Variants in MRGPRX3 observed in about 807,000 individuals in gnomAD.
MRGPRX3 encodes mas-related G protein-coupled receptor member X3.
In MRGPRX3, 14 loss-of-function variants were observed where a neutral mutation model predicts 16.5. The ratio of observed to expected loss-of-function variants is 0.85; its 90% CI spans 0.56 to 1.33. The LOEUF is 1.33. Ranked by LOEUF, MRGPRX3 falls within the 40% of genes most tolerant of loss-of-function variation. The pLI, the probability that MRGPRX3 is intolerant of heterozygous loss-of-function variation, is 0.00. For synonymous variants in MRGPRX3, 199 were observed against 180.1 expected (o/e 1.10, Z -0.84); for missense variants, 449 against 413.0 (o/e 1.09, Z -0.76).
upstream of MRGPRX3, among the ~76,000 whole-genome samples, chr11:18,129,350 G>C (rs1848936738): frequency 2.6e-5 from 4 of 152,122 alleles, no homozygotes; most frequent in Admixed American, 2.6e-4. Context: ...AATGAAACAA[G>C]AGATATTACA....
At chr11:18,133,488 T>C (rs1377909309) in intron 1 of MRGPRX3, among the ~76,000 whole-genome samples, 1 of 152,220 alleles carries the variant, frequency 6.6e-6, no homozygotes, top group East Asian at 1.9e-4. Context: ...ATCACGGGGA[T>C]GGTTTTGCAT....
intron 1 of MRGPRX3, 78 bp from the exon 2 acceptor site, chr11:18,137,100 A>G: frequency 7.2e-7 from 1 of 1,396,212 alleles, no homozygotes; most frequent in Non-Finnish European, 9.8e-7. Flanking sequence ...AAATGAGGAC[A>G]GTAAATCCCA....
Position 18,137,267 on chromosome 11 carries a change from C to A in MRGPRX3, c.65C>A (p.Pro22His). ...LTPINGREET[P>H]CYKQTLSFTG... ...CCAATCAACGGACGTGAGGAGACTCCTTGCTACAAGCAGACCCTGAGCTTC... is the reference window on the plus strand; with the variant it reads ...CCAATCAACGGACGTGAGGAGACTCATTGCTACAAGCAGACCCTGAGCTTC... The change falls in exon 2 of 2, where the codon CCT (proline) becomes CAT (histidine). Residue 22 changes from proline (P) to histidine (H), a missense_variant. Transcript: ENST00000621697. 6.2e-7 allele frequency: 1 copy of A among 1,614,046 alleles called. No individual in the cohort carries two copies. The highest frequency in any genetic ancestry group is 8.5e-7 in the Non-Finnish European group (1 of 1,179,972).
chr11:18,123,093 T>G (rs1442275653), intron 1 of MRGPRX3, among the ~76,000 whole-genome samples: 2 of 152,226 alleles, frequency 1.3e-5, no homozygotes, highest in South Asian at 2.1e-4. Context: ...ATTAGCCCTT[T>G]GTCAGATGAG....
chr11:18,126,926 A>G (rs1364701690), intron 1 of MRGPRX3, among the ~76,000 whole-genome samples: 7 of 152,156 alleles, frequency 4.6e-5, no homozygotes, highest in Non-Finnish European at 7.4e-5. Context: ...AGTCTTTGCT[A>G]TTGTGAATAG....
chr11:18,130,347 A>C (rs991483628), upstream of MRGPRX3, among the ~76,000 whole-genome samples: 6 of 152,134 alleles, frequency 3.9e-5, no homozygotes, highest in African/African-American at 9.6e-5. Flanking sequence ...GATACAAACT[A>C]AATGTACACA....
At chr11:18,125,795 G>A (rs1848888934) in intron 1 of MRGPRX3, among the ~76,000 whole-genome samples, 1 of 152,156 alleles carries the variant, frequency 6.6e-6, no homozygotes, top group African/African-American at 2.4e-5. Flanking sequence ...GGGTATTAAA[G>A]TCTCCCATTA....
chr11:18,122,421 A>T (rs1221764713), intron 1 of MRGPRX3, among the ~76,000 whole-genome samples: 1 of 152,094 alleles, frequency 6.6e-6, no homozygotes, highest in Admixed American at 6.5e-5. Context: ...CCCACCTGTG[A>T]GTGAGAATAT....
intron 1 of MRGPRX3, among the ~76,000 whole-genome samples, chr11:18,127,178 A>C (rs1848907521): frequency 1.3e-5 from 2 of 152,140 alleles, no homozygotes; most frequent in South Asian, 4.1e-4. Flanking sequence ...GGGTAACCTG[A>C]CCTTTCTCTC....
chr11:18,130,758 G>T (rs897130386), upstream of MRGPRX3, among the ~76,000 whole-genome samples: 7 of 148,782 alleles, frequency 4.7e-5, no homozygotes, highest in African/African-American at 1.7e-4. Flanking sequence ...AAATCTGGAG[G>T]CATCACATTA....
chr11:18,125,672 G>A (rs1021090584), intron 1 of MRGPRX3, among the ~76,000 whole-genome samples: 3 of 152,188 alleles, frequency 2.0e-5, no homozygotes, highest in Admixed American at 6.5e-5. Context: ...CTGTTGATTT[G>A]GGGTGGAGAG....
upstream of MRGPRX3, among the ~76,000 whole-genome samples, chr11:18,130,001 A>C (rs1848944912): frequency 6.6e-6 from 1 of 152,224 alleles, no homozygotes; most frequent in African/African-American, 2.4e-5. Flanking sequence ...TAAAACCTTC[A>C]GCAAAATCGA....
intron 1 of MRGPRX3, among the ~76,000 whole-genome samples, chr11:18,123,365 T>C (rs1465289671): frequency 6.6e-6 from 1 of 152,232 alleles, no homozygotes; most frequent in Non-Finnish European, 1.5e-5. Flanking sequence ...AATTTTTGTG[T>C]AAGGTGTAAG....
chr11:18,137,974 A>T lies in MRGPRX3; in HGVS notation c.772A>T (p.Ile258Phe). Residue 258 changes from isoleucine (I) to phenylalanine (F), a missense_variant, in exon 2 of 2, where the codon ATT becomes TTT. Physicochemically the swap from Ile to Phe is conservative, Grantham distance 21. Coordinates refer to ENST00000621697, the MANE Select transcript of MRGPRX3 (RefSeq NM_001370464.1). ...ATTTTGTCATGTGCATCTAGTTTCC[A>T]TTTTCCTGTCCGCTCTTAACAGCAG... ...VLFCHVHLVS[I>F]FLSALNSSAN... 1 of 1,613,784 alleles carries T rather than the reference A, an allele frequency of 6.2e-7. No individual in the cohort carries two copies. Among genetic ancestry groups the T allele is most frequent in the African/African-American group, 1.3e-5 (1 of 74,916 alleles).
intron 1 of MRGPRX3, among the ~76,000 whole-genome samples, chr11:18,121,499 T>G (rs1331911396): frequency 6.6e-6 from 1 of 152,228 alleles, no homozygotes; most frequent in Non-Finnish European, 1.5e-5. Flanking sequence ...CTGGGAGGTG[T>G]GCCCAACAGC....
chr11:18,127,300 G>A (rs1451084021), intron 1 of MRGPRX3, among the ~76,000 whole-genome samples: 1 of 152,136 alleles, frequency 6.6e-6, no homozygotes, highest in Non-Finnish European at 1.5e-5. Flanking sequence ...TGTATTTCCT[G>A]AATCTGAATG....
At chr11:18,129,985 T>C (rs568194340), upstream of MRGPRX3, among the ~76,000 whole-genome samples, 3 of 152,318 alleles carry the variant, frequency 2.0e-5, no homozygotes, top group Non-Finnish European at 2.9e-5. Context: ...AACATTTCTT[T>C]ATGATTAAAA....
chr11:18,129,549 T>G (rs962531716), upstream of MRGPRX3, among the ~76,000 whole-genome samples: 2 of 152,128 alleles, frequency 1.3e-5, no homozygotes, highest in African/African-American at 4.8e-5. Context: ...AATTTTTTTT[T>G]AAATTGCCAA....
upstream of MRGPRX3, among the ~76,000 whole-genome samples, chr11:18,128,828 C>A (rs1287930553): frequency 6.6e-6 from 1 of 152,216 alleles, no homozygotes. Flanking sequence ...AAACCCAGTA[C>A]CTCACTTGGA....
Sources: allele counts gnomAD v4.1 joint callset (sites outside exome capture counted in the v4.1 genomes callset), GRCh38; gene constraint gnomAD v4.1.1; transcripts MANE v1.5; gene names NCBI Gene and HGNC (gene_info 2026-07-23, HGNC 2026-07-21).